The following BIN3 variants were observed in gnomAD, a reference collection of about 807,000 sequenced individuals.
BIN3 encodes bridging integrator 3.
Under a neutral mutation model 38.2 loss-of-function variants are expected in BIN3, and 41 were observed. That is an observed-to-expected ratio of 1.07 (90% CI 0.84 to 1.39). The LOEUF (loss-of-function observed/expected upper bound fraction) is 1.39, where lower values mean the gene tolerates loss of function less well. BIN3 is among the 40% of genes most tolerant of loss of function. The pLI, the probability that BIN3 is intolerant of heterozygous loss-of-function variation, is 0.00. For synonymous variants in BIN3, 145 were observed against 122.6 expected, an observed-to-expected ratio of 1.18 and a Z score of -1.21; for missense variants, 361 against 324.3, an observed-to-expected ratio of 1.11 and a Z score of -0.87.
chr8:22,666,780 T>A (rs1278402910), intron 1 of BIN3, among the ~76,000 whole-genome samples: 1 of 152,210 alleles, frequency 6.6e-6, no homozygotes, highest in Non-Finnish European at 1.5e-5. Flanking sequence ...CTGGGGACCA[T>A]GGGCCATGTG....
At chr8:22,630,354 GC>G in intron 5 of BIN3, 87 bp downstream of exon 5, 3 of 1,530,736 alleles carry the variant, frequency 2.0e-6, no homozygotes, top group Non-Finnish European at 2.7e-6. Flanking sequence ...AGCAGAGGGA[GC>G]CCACTCGGGC....
intron 4 of BIN3, among the ~76,000 whole-genome samples, chr8:22,631,268 C>G (rs1034298075): frequency 6.6e-6 from 1 of 152,156 alleles, no homozygotes; most frequent in African/African-American, 2.4e-5. Flanking sequence ...CCAAGACTCG[C>G]CCAGACACAC....
chr8:22,625,564 C>T (rs1801977164), intron 6 of BIN3: 2 of 610,658 alleles, frequency 3.3e-6, no homozygotes, highest in Non-Finnish European at 5.9e-6. Context: ...AGCAGGACTC[C>T]CAGATGTGCC....
intron 6 of BIN3, chr8:22,629,760 G>A (rs1467518279): frequency 5.0e-6 from 3 of 605,440 alleles, no homozygotes; most frequent in Non-Finnish European, 8.8e-6. Flanking sequence ...CCCTGAGCTC[G>A]CCTGGGCCAT....
chr8:22,633,497 T>C (rs973925525), intron 4 of BIN3, among the ~76,000 whole-genome samples: 2 of 152,244 alleles, frequency 1.3e-5, no homozygotes, highest in African/African-American at 4.8e-5. Context: ...TCTGGAGTCC[T>C]GATGCGGCCT....
Position 22,644,790 on chromosome 8 carries a change from T to C in BIN3, c.22A>G (p.Ile8Val), listed in dbSNP as rs1440987491. ...ACAATCTGTTTCTTGGGCTGCCCAA[T>C]CTTAAAAGGAATCCTATAAGAGAAA... MSWIPFK[I>V]GQPKKQIVPK... is the part of the protein sequence containing the mutation. The change falls in exon 2 of 9, where the codon ATT (isoleucine) becomes GTT (valine). Residue 8 changes from isoleucine to valine, a missense_variant. Coordinates refer to ENST00000276416, the MANE Select transcript of BIN3 (RefSeq NM_018688.6). 6.2e-7 allele frequency: 1 copy of C among 1,611,048 alleles called. No homozygotes were observed. The highest frequency in any genetic ancestry group is 1.3e-5 in the African/African-American group (1 of 74,896).
rs1315035074 is a variant in BIN3, at chr8:22,621,265, G to A, written c.*157C>T. 7 of 1,026,196 alleles carry A rather than the reference G, an allele frequency of 6.8e-6. No homozygotes were observed. Among genetic ancestry groups the A allele is most frequent in the Non-Finnish European group, 9.7e-6 (7 of 722,136 alleles). 63.6% of individuals were successfully genotyped at this position (1,026,196 alleles called of 1,614,324 possible). On this transcript the variant is annotated 3_prime_UTR_variant, in exon 9 of 9. Transcript: ENST00000276416. ...AGACGGCGGCCTGCCTAGGGCTCCT[G>A]GTGCCAGGCTCAGGAAGAGTCATTC...
At chr8:22,668,958 G>A (rs1380553001) in intron 1 of BIN3, 86 bp downstream of exon 1, 36 of 1,525,952 alleles carry the variant, frequency 2.4e-5, no homozygotes, top group Non-Finnish European at 3.2e-5. Context: ...CGGGACCGGA[G>A]GGAGCCGGGA....
At chr8:22,630,321 GCC>G (rs1802150832) in intron 5 of BIN3, 119 bp downstream of exon 5, 1 of 1,392,814 alleles carries the variant, frequency 7.2e-7, no homozygotes, top group African/African-American at 1.4e-5. Flanking sequence ...AGCACACGAG[GCC>G]AGAGGGCTTA....
intron 1 of BIN3, among the ~76,000 whole-genome samples, chr8:22,658,560 G>A (rs1180012153): frequency 6.6e-6 from 1 of 152,192 alleles, no homozygotes; most frequent in Non-Finnish European, 1.5e-5. Flanking sequence ...CCTCTGCAGA[G>A]GCAGAGATAA....
Position 22,636,376 on chromosome 8 carries a change from GGA to G in BIN3, c.160+147_160+148del, listed in dbSNP as rs201940138. 966 of 753,018 alleles carry G rather than the reference GGA, an allele frequency of 1.3e-3. 14 individuals carry two copies. In the East Asian group the frequency reaches 0.025, roughly 20 times the overall value. The allele number at this position is 753,018 out of a possible 1,614,324, so 46.6% of individuals were successfully genotyped here. ...GTGCAAAGTGGGATGTGACTGGTGA[GGA>G]GTGACTGCCCTGAGGCTGCTTCTCA... On this transcript the variant is annotated intron_variant, in intron 4 of 8. Transcript: ENST00000276416.
At chr8:22,654,917 T>TA (rs1803008639) in intron 1 of BIN3, among the ~76,000 whole-genome samples, 1 of 152,244 alleles carries the variant, frequency 6.6e-6, no homozygotes, top group Non-Finnish European at 1.5e-5. Flanking sequence ...TTTTCCAAAG[T>TA]AATTGTATCA....
At position 22,621,327 on chromosome 8, in the gene BIN3, T is replaced by TG. The variant is rs1043135079; in HGVS notation, c.*94dup. On this transcript the variant is annotated 3_prime_UTR_variant, in exon 9 of 9. Coordinates refer to ENST00000276416, the MANE Select transcript of BIN3 (RefSeq NM_018688.6). ...CCGGCAAGTGAACCAGGGCCACCTCTGTCCCCAGCCTGTGAGAGGAGCAGC... is the reference window on the plus strand; with the variant it reads ...CCGGCAAGTGAACCAGGGCCACCTCTGGTCCCCAGCCTGTGAGAGGAGCAGC... 1 of 1,467,766 alleles carries TG rather than the reference T, an allele frequency of 6.8e-7. No homozygotes were observed. The highest frequency in any genetic ancestry group is 1.4e-5 in the African/African-American group (1 of 71,552). 90.9% of individuals were successfully genotyped at this position (1,467,766 alleles called of 1,614,324 possible). A position where few individuals can be genotyped will look rare whatever the true frequency, so the allele number is the denominator to read the frequency against.
In BIN3 at chr8:22,645,565, AG is replaced by A. The variant is rs1563968860; in HGVS notation, c.9-763del. On this transcript the variant is annotated intron_variant, in intron 1 of 8. Transcript: ENST00000276416. ...GGAAAGGAAAGGAAAGGAAAGGGGA[AG>A]AGAGGAAAGGCGAGGATGGCAGGAA... is the stretch of plus-strand genomic sequence containing the variant. Among the ~76,000 whole-genome samples the A allele has an allele frequency of 3.6e-3, 515 of 143,124 alleles. 1 individual carries two copies. The highest frequency in any genetic ancestry group is 0.011 in the African/African-American group (435 of 38,898). The allele number at this position is 143,124 out of a possible 152,430, so 93.9% of individuals were successfully genotyped here.
At chr8:22,625,321 C>A (rs886931886) in intron 6 of BIN3, 4 of 702,510 alleles carry the variant, frequency 5.7e-6, no homozygotes, top group Non-Finnish European at 1.0e-5. Flanking sequence ...AGCCAGAGCC[C>A]TGCAGTGTCC....
rs144642884 is a variant in BIN3, at chr8:22,637,241, T to G, written c.58-279A>C. On this transcript the variant is annotated intron_variant, in intron 2 of 8. Coordinates refer to ENST00000276416, the MANE Select transcript of BIN3 (RefSeq NM_018688.6). ...CTCTTCCCAGCTGGGAGCAAGGCAC[T>G]CGCTGCATGCCCTCCTCACCCCAGG... is the stretch of plus-strand genomic sequence containing the variant. Among the ~76,000 whole-genome samples the G allele has an allele frequency of 5.4e-3, 820 of 152,254 alleles. 8 individuals carry two copies. The highest frequency in any genetic ancestry group is 0.018 in the African/African-American group (754 of 41,550).
intron 1 of BIN3, among the ~76,000 whole-genome samples, chr8:22,649,488 G>A (rs1379325582): frequency 1.3e-5 from 2 of 152,096 alleles, no homozygotes; most frequent in African/African-American, 4.8e-5. Context: ...GTATAAGGGA[G>A]GAAAAGGAGA....
In BIN3 at chr8:22,669,104, A is replaced by T; in HGVS notation, c.-53T>A. The T allele has an allele frequency of 1.3e-6, 2 of 1,572,888 alleles. No individual in the cohort carries two copies. The highest frequency in any genetic ancestry group is 1.7e-6 in the Non-Finnish European group (2 of 1,158,958). ...GTCCTCAGCCACAACTCGTTTCTCT[A>T]GGGTCACTTCCGGATTCAACCAGTC... On this transcript the variant is annotated 5_prime_UTR_variant, in exon 1 of 9. Transcript: ENST00000276416.
chr8:22,624,269 A>G lies in BIN3; in HGVS notation c.433T>C (p.Tyr145His). ...YRRLQAKVEKYEEKEKTGPVL... is the reference protein window; with the variant it reads ...YRRLQAKVEKHEEKEKTGPVL... ...GGCCCCGTCTTCTCCTTTTCCTCAT[A>G]CTTCTCCACCTTGGCCTGCAGCCTC... Residue 145 changes from tyrosine (Y) to histidine (H), a missense_variant, in exon 7 of 9, where the codon TAT becomes CAT. Tyr to His is a moderately conservative substitution (Grantham distance 83). Transcript: ENST00000276416. 1.2e-6 allele frequency: 2 copies of G among 1,613,252 alleles called. No individual in the cohort carries two copies. Among genetic ancestry groups the G allele is most frequent in the Non-Finnish European group, 1.7e-6 (2 of 1,179,734 alleles).
Sources: allele counts gnomAD v4.1 joint callset (sites outside exome capture counted in the v4.1 genomes callset), GRCh38; gene constraint gnomAD v4.1.1; transcripts MANE v1.5; gene names NCBI Gene and HGNC (gene_info 2026-07-23, HGNC 2026-07-21).